Variants in BUB1 observed in about 807,000 individuals in gnomAD.
BUB1 encodes the protein BUB1 mitotic checkpoint serine/threonine kinase.
In BUB1, 84 loss-of-function variants were observed where a neutral mutation model predicts 135.2. That is an observed-to-expected ratio of 0.62 (90% CI 0.52 to 0.74). The LOEUF is 0.74. Among genes scored for constraint, BUB1 ranks in the 30% least tolerant of loss-of-function variants. The pLI is 0.00. For synonymous variants in BUB1, 403 were observed against 434.4 expected (o/e 0.93, Z 0.90); for missense variants, 1,162 against 1,288.3 (o/e 0.90, Z 1.50).
intron 16 of BUB1, among the ~76,000 whole-genome samples, chr2:110,655,519 A>G (rs1689905621): frequency 6.6e-6 from 1 of 152,208 alleles, no homozygotes; most frequent in Non-Finnish European, 1.5e-5. Flanking sequence ...CTAAGCTATT[A>G]TATTTTAAAA....
intron 5 of BUB1, 86 bp downstream of exon 5, chr2:110,670,439 G>T: frequency 6.7e-7 from 1 of 1,486,988 alleles, no homozygotes; most frequent in Non-Finnish European, 9.4e-7. Context: ...TGCCCAGCCG[G>T]GTTTGTTTTT....
At chr2:110,643,341 T>C (rs1290827346) in intron 19 of BUB1, among the ~76,000 whole-genome samples, 1 of 152,116 alleles carries the variant, frequency 6.6e-6, no homozygotes, top group Non-Finnish European at 1.5e-5. Flanking sequence ...AAAAAGTCCG[T>C]AGGGAAACCC....
chr2:110,664,664 G>A lies in BUB1; in HGVS notation c.957+1599C>T, dbSNP rs148352049. 3.7e-4 allele frequency among the ~76,000 whole-genome samples: 56 copies of A among 150,960 alleles called. No homozygotes were observed. The East Asian group carries it at 0.01, about 28-fold the overall frequency. On this transcript the variant is annotated intron_variant, in intron 9 of 24. Coordinates refer to ENST00000302759, the MANE Select transcript of BUB1 (RefSeq NM_004336.5). ...GGAGAGATAACGACATGGGAACCAG[G>A]GATATACCACAGGAAAGGAGCCAGG...
At chr2:110,659,035 T>C (rs1690010265) in intron 11 of BUB1, among the ~76,000 whole-genome samples, 1 of 152,192 alleles carries the variant, frequency 6.6e-6, no homozygotes, top group South Asian at 2.1e-4. Context: ...ATTATACCCT[T>C]AGTGCCACTG....
chr2:110,652,555 ATGT>A (rs1450550569), intron 17 of BUB1, among the ~76,000 whole-genome samples: 3 of 135,700 alleles, frequency 2.2e-5, no homozygotes, highest in Non-Finnish European at 5.0e-5. Context: ...TTTTAACAAA[ATGT>A]TGTTATTAGA....
rs150708782 is a variant in BUB1, at chr2:110,639,662, T to C, written c.3062+80A>G. On this transcript the variant is annotated intron_variant, in intron 24 of 24. Coordinates refer to ENST00000302759, the MANE Select transcript of BUB1 (RefSeq NM_004336.5). ...ATTTCCATGCGGTGGCAGAGATCCT[T>C]TTTTTTTTTTTGCCAGATGGAACCC... The C allele has an allele frequency of 3.7e-3, 2,231 of 603,872 alleles. 28 individuals carry two copies. Among genetic ancestry groups the C allele is most frequent in the African/African-American group, 0.036 (1,833 of 51,402 alleles). 37.4% of individuals were successfully genotyped at this position (603,872 alleles called of 1,614,324 possible).
intron 3 of BUB1, 149 bp from the exon 4 acceptor site, chr2:110,673,006 AC>A (rs2104559910): frequency 1.4e-6 from 1 of 729,002 alleles, no homozygotes; most frequent in African/African-American, 1.8e-5. Context: ...AGAGGGTTGG[AC>A]TTTTCAGCCC....
At position 110,650,753 on chromosome 2, in the gene BUB1, A is replaced by T. The variant is rs1475826804; in HGVS notation, c.1996T>A (p.Leu666Met). ...PIQEKSPKQA[L>M]SSHMYSASLL... ...GATGCTGAATACATGTGAGACGACAAGGCCTGTTTTGGGCTTTTCTCTTGA... is the reference window on the plus strand; with the variant it reads ...GATGCTGAATACATGTGAGACGACATGGCCTGTTTTGGGCTTTTCTCTTGA... Residue 666 changes from leucine (L) to methionine (M), a missense_variant, in exon 18 of 25, where the codon TTG becomes ATG. By Grantham distance (15) the Leu-to-Met change is conservative. Coordinates refer to ENST00000302759, the MANE Select transcript of BUB1 (RefSeq NM_004336.5). 6.2e-7 allele frequency: 1 copy of T among 1,614,032 alleles called. No individual in the cohort carries two copies. The highest frequency in any genetic ancestry group is 2.2e-5 in the East Asian group (1 of 44,882).
At chr2:110,650,177 C>T (rs905224502) in intron 18 of BUB1, among the ~76,000 whole-genome samples, 5 of 112,842 alleles carry the variant, frequency 4.4e-5, no homozygotes, top group Non-Finnish European at 8.1e-5. Flanking sequence ...ACCACTATGC[C>T]AGACTGTTTA....
chr2:110,669,361 A>G, intron 6 of BUB1, 92 bp downstream of exon 6: 2 of 880,694 alleles, frequency 2.3e-6, no homozygotes, highest in Non-Finnish European at 3.8e-6. Flanking sequence ...AAGATCAAAG[A>G]AATGAGATGT....
intron 24 of BUB1, 116 bp downstream of exon 24, chr2:110,639,626 C>G: frequency 1.2e-6 from 1 of 836,000 alleles, no homozygotes; most frequent in Non-Finnish European, 1.9e-6. Flanking sequence ...CCATATTGCC[C>G]AAGGCATAGG....
At chr2:110,659,453 C>T (rs1157264645) in intron 11 of BUB1, among the ~76,000 whole-genome samples, 2 of 152,166 alleles carry the variant, frequency 1.3e-5, no homozygotes, top group Non-Finnish European at 2.9e-5. Context: ...CTGGCACCTA[C>T]AGAGCAGGCT....
intron 17 of BUB1, among the ~76,000 whole-genome samples, chr2:110,652,059 TACACACACACAC>T (rs559734586): frequency 1.1e-4 from 16 of 145,210 alleles, no homozygotes; most frequent in South Asian, 2.2e-4. Flanking sequence ...TATACATCCA[TACACACACACAC>T]ACACACACAC....
In BUB1 at chr2:110,657,579, T is replaced by A; in HGVS notation, c.1583A>T (p.His528Leu). 1 of 1,608,610 alleles carries A rather than the reference T, an allele frequency of 6.2e-7. No homozygotes were observed. Among genetic ancestry groups the A allele is most frequent in the East Asian group, 2.2e-5 (1 of 44,734 alleles). Reference sequence around the variant, plus strand: ...TTCTTTGTTTCCATCTTCAAACACATGAAAAGCAGATGACAAAGAAGAGAT... The same window carrying A: ...TTCTTTGTTTCCATCTTCAAACACAAGAAAAGCAGATGACAAAGAAGAGAT... ...KIISSLSSAFHVFEDGNKENY... is the reference protein window; with the variant it reads ...KIISSLSSAFLVFEDGNKENY... The change falls in exon 14 of 25, where the codon CAT becomes CTT. Residue 528 changes from histidine to leucine, a missense_variant. Coordinates refer to ENST00000302759, the MANE Select transcript of BUB1 (RefSeq NM_004336.5).
intron 10 of BUB1, 33 bp downstream of exon 10, chr2:110,661,549 T>C: frequency 6.2e-7 from 1 of 1,604,800 alleles, no homozygotes; most frequent in African/African-American, 1.3e-5. Flanking sequence ...GCCACTCACA[T>C]CACTGTGATC....
rs368601508 is a variant in BUB1 at position 110,667,477 on chromosome 2, T to G, written c.805+44A>C. The G allele has an allele frequency of 1.6e-5, 25 of 1,544,404 alleles. No individual in the cohort carries two copies. The African/African-American group carries it at 3.3e-4, about 21-fold the overall frequency. On this transcript the variant is annotated intron_variant, in intron 8 of 24. Coordinates refer to ENST00000302759, the MANE Select transcript of BUB1 (RefSeq NM_004336.5). Reference sequence around the variant, plus strand: ...GTAATTACTCAGAGATGAGGATTTTTTTATGTGACATAAGAATAACTAAAA... The same window carrying G: ...GTAATTACTCAGAGATGAGGATTTTGTTATGTGACATAAGAATAACTAAAA...
intron 19 of BUB1, among the ~76,000 whole-genome samples, chr2:110,646,407 C>G (rs1362306305): frequency 2.6e-5 from 4 of 151,944 alleles, no homozygotes; most frequent in Non-Finnish European, 5.9e-5. Context: ...GCAGATAAAG[C>G]AGGCAGGAAA....
chr2:110,661,709 G>A lies in BUB1; in HGVS notation c.1090C>T (p.Pro364Ser). 2 of 1,614,214 alleles carry A rather than the reference G, an allele frequency of 1.2e-6. No homozygotes were observed. Among genetic ancestry groups the A allele is most frequent in the Non-Finnish European group, 1.7e-6 (2 of 1,180,048 alleles). The change falls in exon 10 of 25, where the codon CCT (proline) becomes TCT (serine). Residue 364 changes from proline (P) to serine (S), a missense_variant. Coordinates refer to ENST00000302759, the MANE Select transcript of BUB1 (RefSeq NM_004336.5). Reference protein sequence around the residue: ...NPREAPPVVPPLANAISAALV... With the variant: ...NPREAPPVVPSLANAISAALV... ...GCTGCAGAAATAGCATTTGCCAAAG[G>A]AGGAACAACAGGAGGTGCCTCTCTT...
chr2:110,655,063 G>C (rs1433809296), intron 16 of BUB1, among the ~76,000 whole-genome samples: 1 of 152,052 alleles, frequency 6.6e-6, no homozygotes, highest in Admixed American at 6.6e-5. Flanking sequence ...TTTGTAGGTT[G>C]GTACTTAATA....
Sources: gnomAD v4.1 joint callset for allele counts (sites outside exome capture counted in the v4.1 genomes callset) on GRCh38, gnomAD v4.1.1 for gene constraint, MANE v1.5 for transcripts, NCBI Gene and HGNC (gene_info 2026-07-23, HGNC 2026-07-21) for gene names.